FCF1: variants seen among roughly 807,000 people sequenced by gnomAD.
The protein encoded by FCF1 is rRNA-processing protein FCF1 homolog.
FCF1 carries 17 observed loss-of-function variants against 32.5 expected under a neutral mutation model. The observed-to-expected ratio is 0.52, with a 90% confidence interval of 0.36 to 0.78. FCF1 has a LOEUF of 0.78. FCF1 is among the 30% of genes least tolerant of loss of function. The pLI is 0.00. For synonymous variants in FCF1, 84 were observed against 78.4 expected, an observed-to-expected ratio of 1.07 and a Z score of -0.38; for missense variants, 201 against 241.1, an observed-to-expected ratio of 0.83 and a Z score of 1.10.
Position 74,723,776 on chromosome 14 carries a change from C to T in FCF1, c.365+432C>T, listed in dbSNP as rs533702267. Among the ~76,000 whole-genome samples the T allele has an allele frequency of 3.4e-5, 5 of 149,066 alleles. No homozygotes were observed. In the South Asian group the frequency reaches 1.1e-3, roughly 31 times the overall value. ...CTAGGAGGCGGAGGTTGCAGTGAGCCTACATCACGCCATTGCACTCCAGCC... is the reference window on the plus strand; with the variant it reads ...CTAGGAGGCGGAGGTTGCAGTGAGCTTACATCACGCCATTGCACTCCAGCC... On this transcript the variant is annotated intron_variant, in intron 5 of 7. Transcript: ENST00000341162.
At chr14:74,722,917 G>T (rs908803129) in intron 4 of FCF1, among the ~76,000 whole-genome samples, 1 of 151,854 alleles carries the variant, frequency 6.6e-6, no homozygotes, top group African/African-American at 2.4e-5. Flanking sequence ...AGTTGAGATC[G>T]TGCCACTGCG....
intron 4 of FCF1, among the ~76,000 whole-genome samples, chr14:74,719,574 A>G (rs1432227415): frequency 6.6e-6 from 1 of 152,114 alleles, no homozygotes; most frequent in Non-Finnish European, 1.5e-5. Context: ...CAGCCTGGCC[A>G]ACATGGCAAA....
chr14:74,721,288 C>T (rs906552233), intron 4 of FCF1, among the ~76,000 whole-genome samples: 1 of 151,980 alleles, frequency 6.6e-6, no homozygotes, highest in Non-Finnish European at 1.5e-5. Context: ...CTCAGGTGAC[C>T]TGCCTGCCTT....
intron 1 of FCF1, 28 bp from the exon 2 acceptor site, chr14:74,713,457 T>C (rs1308424357): frequency 6.2e-7 from 1 of 1,610,366 alleles, no homozygotes. Context: ...GTTTCCAACT[T>C]TTTTAATTCT....
Position 74,732,197 on chromosome 14 carries a change from A to G in FCF1, c.366-534A>G, listed in dbSNP as rs556098098. Among the ~76,000 whole-genome samples the G allele has an allele frequency of 1.3e-5, 2 of 152,150 alleles. 1 individual carries two copies. Among genetic ancestry groups the G allele is most frequent in the South Asian group, 4.1e-4 (2 of 4,822 alleles). ...ATATGCCCTGCTTTGTTTATTCAAC[A>G]GTTTAGTGTAGGTCCTTCCACATTG... On this transcript the variant is annotated intron_variant, in intron 5 of 7. Transcript: ENST00000341162.
At position 74,733,502 on chromosome 14, in the gene FCF1, G is replaced by T. The variant is rs562195140; in HGVS notation, c.454-574G>T. Among the ~76,000 whole-genome samples the T allele has an allele frequency of 2.9e-4, 44 of 152,278 alleles. No homozygotes were observed. In the South Asian group the frequency reaches 9.1e-3, roughly 32 times the overall value. On this transcript the variant is annotated intron_variant, in intron 6 of 7. Coordinates refer to ENST00000341162, the MANE Select transcript of FCF1 (RefSeq NM_015962.5). The stretch of plus-strand genomic sequence containing the variant: ...ATAAAACTCAGTAGGAGAGTCAGAC[G>T]TGACAGATGTGAAGCTTCCTATAAA...
Position 74,737,630 on chromosome 14 carries a change from T to C in FCF1, c.*2700T>C, listed in dbSNP as rs1368132323. On this transcript the variant is annotated 3_prime_UTR_variant, in exon 8 of 8. Coordinates refer to ENST00000341162, the MANE Select transcript of FCF1 (RefSeq NM_015962.5). ...TAAATTGAATAGTACCTGGCCCAAG[T>C]AAGTGTTCTTCAGTAAATGTTAGTG... The C allele has an allele frequency of 2.6e-5, 4 of 152,116 alleles. No individual in the cohort carries two copies. Among genetic ancestry groups the C allele is most frequent in the Admixed American group, 2.6e-4 (4 of 15,262 alleles). The allele number at this position is 152,116 out of a possible 1,614,324, so 9.4% of individuals were successfully genotyped here.
chr14:74,736,501 T>C lies in FCF1; in HGVS notation c.*1571T>C, dbSNP rs992227776. 5.9e-5 allele frequency: 9 copies of C among 152,106 alleles called. No individual in the cohort carries two copies. The highest frequency in any genetic ancestry group is 1.7e-4 in the African/African-American group (7 of 41,438). The allele number at this position is 152,106 out of a possible 1,614,324, so 9.4% of individuals were successfully genotyped here. ...GCTTTTTTTGAGTTCTGTTGTACAG[T>C]GTGGTGCCTATACTTAATAATGGGG... On this transcript the variant is annotated 3_prime_UTR_variant, in exon 8 of 8. Transcript: ENST00000341162.
In FCF1 at chr14:74,734,147, T is replaced by A. The variant is rs1333436709; in HGVS notation, c.525T>A (p.Pro175=). The A allele has an allele frequency of 2.5e-6, 4 of 1,612,806 alleles. No homozygotes were observed. The highest frequency in any genetic ancestry group is 3.4e-6 in the Non-Finnish European group (4 of 1,178,938). ...KRRIRKIPGV[P]IMYISNHRYN... is the part of the protein sequence containing the mutation. ...GAATCCGTAAGATTCCTGGAGTTCC[T>A]ATCATGTACATTTCTAACCATAGGT... Residue 175 remains proline (P), a synonymous_variant, in exon 7 of 8, where the codon CCT becomes CCA. Coordinates refer to ENST00000341162, the MANE Select transcript of FCF1 (RefSeq NM_015962.5).
chr14:74,714,924 G>T lies in FCF1; in HGVS notation c.124G>T (p.Ala42Ser), dbSNP rs147067928. 3 of 1,596,950 alleles carry T rather than the reference G, an allele frequency of 1.9e-6. No homozygotes were observed. The highest frequency in any genetic ancestry group is 1.1e-5 in the South Asian group (1 of 87,036). The stretch of plus-strand genomic sequence containing the variant: ...AAAGAAAGAAAAGAAGGATCCCAGC[G>T]CATTAAAGGAAAGAGAAGTGTGAGT... ...PKKKEKKDPS[A>S]LKEREVPQHP... Residue 42 changes from alanine to serine, a missense_variant, in exon 3 of 8, where the codon GCA becomes TCA. By Grantham distance (99) the Ala-to-Ser change is moderately conservative. This residue lies in a region of FCF1 where 76 missense variants were observed against 75.0 expected (regional missense o/e 1.01). Transcript: ENST00000341162.
intron 5 of FCF1, among the ~76,000 whole-genome samples, chr14:74,726,631 G>A (rs1319280234): frequency 1.3e-5 from 2 of 149,218 alleles, no homozygotes; most frequent in Non-Finnish European, 3.0e-5. Flanking sequence ...TATACTTTAA[G>A]TTTTAGGGTA....
At chr14:74,720,519 A>G (rs761233665) in intron 4 of FCF1, among the ~76,000 whole-genome samples, 2 of 152,188 alleles carry the variant, frequency 1.3e-5, no homozygotes, top group Non-Finnish European at 2.9e-5. Flanking sequence ...TTGTATCAGT[A>G]CTTCATTTCT....
rs2090716903 is a variant in FCF1, at chr14:74,737,345, ACT to A, written c.*2418_*2419del. Reference sequence around the variant, plus strand: ...ACTCCAGCCTGGGCGACAGAGTGAAACTCTGTCTCAAAAACAAACAAACAAAA... The same window carrying A: ...ACTCCAGCCTGGGCGACAGAGTGAAACTGTCTCAAAAACAAACAAACAAAA... On this transcript the variant is annotated 3_prime_UTR_variant, in exon 8 of 8. Coordinates refer to ENST00000341162, the MANE Select transcript of FCF1 (RefSeq NM_015962.5). The A allele has an allele frequency of 6.6e-6, 1 of 152,080 alleles. No homozygotes were observed. The allele number at this position is 152,080 out of a possible 1,614,324, so 9.4% of individuals were successfully genotyped here. A position where few individuals can be genotyped will look rare whatever the true frequency, so the allele number is the denominator to read the frequency against.
chr14:74,722,808 T>C (rs571927350), intron 4 of FCF1, among the ~76,000 whole-genome samples: 41 of 151,448 alleles, frequency 2.7e-4, no homozygotes, highest in Non-Finnish European at 5.3e-4. Flanking sequence ...CTGGGCATAG[T>C]GGTGCGTACC....
rs1209111203 is a variant in FCF1, at chr14:74,738,058, TATTTC to T, written c.*3130_*3134del. The stretch of plus-strand genomic sequence containing the variant: ...TCCTACTTCACATGATTCATAAAAA[TATTTC>T]AAGTGGATCAAAGACCTAAATTTTT... On this transcript the variant is annotated 3_prime_UTR_variant, in exon 8 of 8. Transcript: ENST00000341162. The T allele has an allele frequency of 6.0e-5, 9 of 149,022 alleles. No homozygotes were observed. The East Asian group carries it at 1.8e-3, about 29-fold the overall frequency. 9.2% of individuals were successfully genotyped at this position (149,022 alleles called of 1,614,324 possible). A position where few individuals can be genotyped will look rare whatever the true frequency, so the allele number is the denominator to read the frequency against.
intron 1 of FCF1, 101 bp from the exon 2 acceptor site, chr14:74,713,384 A>T: frequency 1.3e-6 from 2 of 1,540,584 alleles, no homozygotes; most frequent in Non-Finnish European, 1.8e-6. Context: ...GGTCTGGGTT[A>T]TTTGAGGCAA....
chr14:74,713,645 T>C, intron 2 of FCF1, 93 bp downstream of exon 2: 1 of 1,186,010 alleles, frequency 8.4e-7, no homozygotes, highest in Non-Finnish European at 1.2e-6. Context: ...TTTTGTTTTT[T>C]GCTTATTATC....
At chr14:74,725,815 A>T (rs1207546500) in intron 5 of FCF1, among the ~76,000 whole-genome samples, 3 of 151,998 alleles carry the variant, frequency 2.0e-5, no homozygotes, top group Non-Finnish European at 4.4e-5. Context: ...GGCGCCTGGT[A>T]GTCCCAGCTG....
intron 5 of FCF1, among the ~76,000 whole-genome samples, chr14:74,724,346 C>T (rs2090547368): frequency 6.6e-6 from 1 of 152,138 alleles, no homozygotes; most frequent in Non-Finnish European, 1.5e-5. Flanking sequence ...TGCAGTGGCA[C>T]AATCAGGGCT....
Sources: allele counts gnomAD v4.1 joint callset (sites outside exome capture counted in the v4.1 genomes callset), GRCh38; gene constraint gnomAD v4.1.1; regional missense constraint gnomAD v4.1.1; transcripts MANE v1.5; gene names NCBI Gene and HGNC (gene_info 2026-07-23, HGNC 2026-07-21).